The following UHRF2 variants were observed in gnomAD, a reference collection of about 807,000 sequenced individuals.
The protein encoded by UHRF2 is ubiquitin like with PHD and ring finger domains 2, also known as E3 ubiquitin-protein ligase UHRF2.
Under a neutral mutation model 96.8 loss-of-function variants are expected in UHRF2, and 23 were observed. That is an observed-to-expected ratio of 0.24 (90% CI 0.17 to 0.34). UHRF2 has a LOEUF of 0.34. Among genes scored for constraint, UHRF2 ranks in the 10% least tolerant of loss-of-function variants. The pLI is 1.00. For synonymous variants in UHRF2, 385 were observed against 332.6 expected (o/e 1.16, Z -1.72); for missense variants, 685 against 981.5 (o/e 0.70, Z 4.04).
Position 6,413,299 on chromosome 9 carries a change from T to C in UHRF2, c.-192T>C, listed in dbSNP as rs1331846322. ...GTGGTTCCGGTCGTCTCTCCTCAAG[T>C]CGGCTAGTCGGGCGCGCGCGCTGAG... is the stretch of plus-strand genomic sequence containing the variant. On this transcript the variant is annotated 5_prime_UTR_variant, in exon 1 of 16. Coordinates refer to ENST00000276893, the MANE Select transcript of UHRF2 (RefSeq NM_152896.3). 1 of 304,632 alleles carries C rather than the reference T, an allele frequency of 3.3e-6. No homozygotes were observed. The highest frequency in any genetic ancestry group is 2.2e-5 in the African/African-American group (1 of 44,732). 18.9% of individuals were successfully genotyped at this position (304,632 alleles called of 1,614,324 possible).
chr9:6,501,995 A>T (rs952984758), intron 14 of UHRF2, among the ~76,000 whole-genome samples: 5 of 152,186 alleles, frequency 3.3e-5, no homozygotes, highest in African/African-American at 1.2e-4. Context: ...TTCCTAGGTC[A>T]TATTATTGTG....
At chr9:6,429,583 G>T (rs912861389) in intron 2 of UHRF2, among the ~76,000 whole-genome samples, 1 of 152,064 alleles carries the variant, frequency 6.6e-6, no homozygotes, top group Admixed American at 6.6e-5. Context: ...CACCTGCCTC[G>T]GCCTCCCGAA....
At chr9:6,472,777 C>G (rs1420745938) in intron 4 of UHRF2, among the ~76,000 whole-genome samples, 2 of 152,102 alleles carry the variant, frequency 1.3e-5, no homozygotes, top group South Asian at 2.1e-4. Flanking sequence ...GCAACAATGT[C>G]TTGCGTGTAA....
At chr9:6,432,748 T>A (rs929363317) in intron 2 of UHRF2, among the ~76,000 whole-genome samples, 2 of 152,142 alleles carry the variant, frequency 1.3e-5, no homozygotes, top group Non-Finnish European at 1.5e-5. Flanking sequence ...GAAATAGTGA[T>A]CTTGTGTTGA....
At chr9:6,426,263 CT>C (rs1820255655) in intron 2 of UHRF2, among the ~76,000 whole-genome samples, 1 of 152,216 alleles carries the variant, frequency 6.6e-6, no homozygotes, top group South Asian at 2.1e-4. Context: ...TATTTGACAT[CT>C]CTTCTATTTC....
At position 6,504,624 on chromosome 9, in the gene UHRF2, T is replaced by C; in HGVS notation, c.2195T>C (p.Met732Thr). 6.2e-7 allele frequency: 1 copy of C among 1,613,908 alleles called. No individual in the cohort carries two copies. ...NFLKKLEQSF[M>T]CVCCQELVYQ... ...CTGAAAAAATTGGAACAATCTTTTA[T>C]GTGCGTTTGCTGTCAGGAGCTAGTT... Residue 732 changes from methionine (M) to threonine (T), a missense_variant, in exon 15 of 16, where the codon ATG becomes ACG. Met to Thr is a moderately conservative substitution (Grantham distance 81, BLOSUM62 -1). Transcript: ENST00000276893.
intron 9 of UHRF2, among the ~76,000 whole-genome samples, chr9:6,487,948 A>G (rs1824408178): frequency 6.6e-6 from 1 of 152,080 alleles, no homozygotes; most frequent in Admixed American, 6.5e-5. Flanking sequence ...AGCATTAGAA[A>G]CAATACAGAG....
At chr9:6,439,887 G>A (rs1587794532) in intron 3 of UHRF2, among the ~76,000 whole-genome samples, 1 of 152,028 alleles carries the variant, frequency 6.6e-6, no homozygotes, top group Non-Finnish European at 1.5e-5. Context: ...AAGGGAGGAG[G>A]ACTTAAGCAA....
chr9:6,491,194 C>T (rs1442724962), intron 9 of UHRF2, among the ~76,000 whole-genome samples: 1 of 152,162 alleles, frequency 6.6e-6, no homozygotes, highest in Non-Finnish European at 1.5e-5. Context: ...GTAGTTTGCT[C>T]AGTGTTCAGG....
intron 4 of UHRF2, among the ~76,000 whole-genome samples, chr9:6,472,637 C>G (rs1389451060): frequency 1.3e-5 from 2 of 152,162 alleles, no homozygotes; most frequent in Non-Finnish European, 2.9e-5. Flanking sequence ...AGAAACAGAA[C>G]TAACTGAACA....
chr9:6,463,873 C>T (rs1162726887), intron 4 of UHRF2, among the ~76,000 whole-genome samples: 1 of 152,016 alleles, frequency 6.6e-6, no homozygotes, highest in East Asian at 1.9e-4. Context: ...TGTTGATAGG[C>T]ATTTTGGGGC....
chr9:6,421,073 A>G lies in UHRF2; in HGVS notation c.315A>G (p.Val105=). The change falls in exon 2 of 16, where the codon GTA becomes GTG. Residue 105 remains valine, a synonymous_variant. Transcript: ENST00000276893. ...CTAAAGTAAAGAAAGCTCCGAGGGT[A>G]GGACCTTCCAATCAGCCATCTACAT... ...SPPKVKKAPR[V]GPSNQPSTSA... is the part of the protein sequence containing the mutation. The G allele has an allele frequency of 1.2e-6, 2 of 1,614,212 alleles. No homozygotes were observed. Among genetic ancestry groups the G allele is most frequent in the Non-Finnish European group, 1.7e-6 (2 of 1,180,034 alleles).
intron 2 of UHRF2, among the ~76,000 whole-genome samples, chr9:6,427,150 T>G (rs1023870491): frequency 1.3e-5 from 2 of 152,222 alleles, no homozygotes; most frequent in African/African-American, 4.8e-5. Context: ...ATAAGTCACT[T>G]AAAAATTGGG....
Position 6,499,823 on chromosome 9 carries a change from C to T in UHRF2, c.1909-12C>T, listed in dbSNP as rs1397007732. 18 of 1,509,838 alleles carry T rather than the reference C, an allele frequency of 1.2e-5. No homozygotes were observed. Among genetic ancestry groups the T allele is most frequent in the Non-Finnish European group, 1.5e-5 (17 of 1,132,248 alleles). The allele number at this position is 1,509,838 out of a possible 1,614,324, so 93.5% of individuals were successfully genotyped here. ...AATCTGCATTGTACTCTCCCTCCTC[C>T]CCCCCCATCAGTATCCAGCAGGTTA... On this transcript the variant is annotated splice_polypyrimidine_tract_variant and intron_variant, in intron 12 of 15. Coordinates refer to ENST00000276893, the MANE Select transcript of UHRF2 (RefSeq NM_152896.3).
chr9:6,453,316 A>T (rs1404597554), intron 3 of UHRF2, among the ~76,000 whole-genome samples: 1 of 152,210 alleles, frequency 6.6e-6, no homozygotes, highest in Non-Finnish European at 1.5e-5. Flanking sequence ...AGGTTAATGG[A>T]GGTGGTTCTT....
intron 2 of UHRF2, among the ~76,000 whole-genome samples, chr9:6,425,919 C>T (rs957831807): frequency 1.3e-5 from 2 of 152,104 alleles, no homozygotes; most frequent in Non-Finnish European, 2.9e-5. Context: ...ATTTATGTAA[C>T]TATCTGTATA....
rs1351041914 is a variant in UHRF2, at chr9:6,488,976, A to G, written c.1497+2051A>G. 4.0e-5 allele frequency among the ~76,000 whole-genome samples: 6 copies of G among 151,596 alleles called. No homozygotes were observed. The East Asian group carries it at 1.2e-3, about 29-fold the overall frequency. Reference sequence around the variant, plus strand: ...TACAGGCATGCATCGCCATTGACTAATTTTTGTATTTTTAGTATAGGTGGG... The same window carrying G: ...TACAGGCATGCATCGCCATTGACTAGTTTTTGTATTTTTAGTATAGGTGGG... On this transcript the variant is annotated intron_variant, in intron 9 of 15. Transcript: ENST00000276893.
chr9:6,414,724 T>A (rs1159146792), intron 1 of UHRF2, among the ~76,000 whole-genome samples: 1 of 152,222 alleles, frequency 6.6e-6, no homozygotes, highest in African/African-American at 2.4e-5. Flanking sequence ...TTAAAAGGAA[T>A]ATTTTCCTCC....
At chr9:6,422,077 A>C (rs1007656471) in intron 2 of UHRF2, among the ~76,000 whole-genome samples, 1 of 152,108 alleles carries the variant, frequency 6.6e-6, no homozygotes, top group African/African-American at 2.4e-5. Context: ...AACCTGGTGC[A>C]TATGTTCAAG....
Sources: allele counts gnomAD v4.1 joint callset (sites outside exome capture counted in the v4.1 genomes callset), GRCh38; gene constraint gnomAD v4.1.1; transcripts MANE v1.5; gene names NCBI Gene and HGNC (gene_info 2026-07-23, HGNC 2026-07-21).